CLXN: variants seen among roughly 807,000 people sequenced by gnomAD.
CLXN encodes calaxin.
the CLXN span, among the ~76,000 whole-genome samples, chr8:48,720,116 G>A: frequency 7.9e-5 from 12 of 152,168 alleles, no homozygotes; most frequent in South Asian, 1.9e-3. Context: ...GAAGATGTAC[G>A]TCACCTCAGG....
the CLXN span, among the ~76,000 whole-genome samples, chr8:48,733,900 A>G: frequency 6.6e-6 from 1 of 152,316 alleles, no homozygotes; most frequent in Non-Finnish European, 1.5e-5. Flanking sequence ...TTTATCAAAA[A>G]TGTTTACTAG....
At chr8:48,720,436 ATGTC>A in the CLXN span, among the ~76,000 whole-genome samples, 1 of 152,118 alleles carries the variant, frequency 6.6e-6, no homozygotes, top group East Asian at 1.9e-4. Context: ...CGCTCTAGGA[ATGTC>A]TGTCTTGTGC....
chr8:48,714,644 C>T, the CLXN span, among the ~76,000 whole-genome samples: 7 of 152,184 alleles, frequency 4.6e-5, no homozygotes, highest in South Asian at 2.1e-4. Flanking sequence ...CATGACGGTC[C>T]GTGATACTGG....
At chr8:48,727,229 TCCA>T in the CLXN span, among the ~76,000 whole-genome samples, 1 of 125,110 alleles carries the variant, frequency 8.0e-6, no homozygotes, top group Non-Finnish European at 1.6e-5. Context: ...CATCCATCCA[TCCA>T]TCCATCCATC....
At chr8:48,713,739 T>A in the CLXN span, 1 of 152,168 alleles carries the variant, frequency 6.6e-6, no homozygotes, top group East Asian at 1.9e-4. Flanking sequence ...ACTTAGTGAA[T>A]GTTTTGGATG....
At chr8:48,715,591 T>C in the CLXN span, 2 of 152,234 alleles carry the variant, frequency 1.3e-5, no homozygotes, top group Non-Finnish European at 2.9e-5. Flanking sequence ...CAGCAGCTTT[T>C]GTCACCATCA....
chr8:48,729,974 C>T, the CLXN span: 2 of 1,105,138 alleles, frequency 1.8e-6, no homozygotes, highest in African/African-American at 3.1e-5. Flanking sequence ...GCTGTACCCA[C>T]AGGTCTTAGT....
At chr8:48,728,907 G>T in the CLXN span, 4 of 565,888 alleles carry the variant, frequency 7.1e-6, no homozygotes, top group South Asian at 5.4e-5. Flanking sequence ...AGGTTATTCA[G>T]TGGGCTTTCT....
chr8:48,729,904 T>A, the CLXN span: 65 of 1,585,484 alleles, frequency 4.1e-5, no homozygotes, highest in Non-Finnish European at 5.2e-5. Context: ...ATGAATTTGA[T>A]GCTATCAGTA....
At chr8:48,713,137 A>G in the CLXN span, among the ~76,000 whole-genome samples, 2 of 152,222 alleles carry the variant, frequency 1.3e-5, no homozygotes, top group Admixed American at 1.3e-4. Context: ...AAACACTGCA[A>G]GACACCATCT....
the CLXN span, chr8:48,716,359 C>A: frequency 1.3e-5 from 2 of 152,394 alleles, no homozygotes; most frequent in African/African-American, 4.8e-5. Context: ...TTCCAGCCTG[C>A]GCCTCTCCAT....
the CLXN span, chr8:48,724,879 A>AGT: frequency 8.1e-7 from 1 of 1,234,290 alleles, no homozygotes; most frequent in African/African-American, 1.5e-5. Context: ...ATGTCTCCTT[A>AGT]GTGTAGAGAC....
the CLXN span, among the ~76,000 whole-genome samples, chr8:48,722,567 T>C: frequency 1.3e-5 from 2 of 152,172 alleles, no homozygotes; most frequent in Non-Finnish European, 2.9e-5. Context: ...GAAATACATA[T>C]ATGTATATGT....
chr8:48,730,999 T>C, the CLXN span, among the ~76,000 whole-genome samples: 2 of 152,182 alleles, frequency 1.3e-5, no homozygotes, highest in Admixed American at 6.5e-5. Context: ...ACTTGATGCA[T>C]AGAATTATAT....
the CLXN span, among the ~76,000 whole-genome samples, chr8:48,726,229 C>T: frequency 6.9e-6 from 1 of 145,978 alleles, no homozygotes; most frequent in African/African-American, 2.6e-5. Flanking sequence ...TCACTTCATC[C>T]ATCCATCCAT....
At chr8:48,729,684 A>G in the CLXN span, 2 of 1,563,656 alleles carry the variant, frequency 1.3e-6, no homozygotes, top group South Asian at 1.2e-5. Context: ...CTGGCCCACA[A>G]ATTTTAATAA....
chr8:48,724,068 A>G, the CLXN span: 1 of 152,180 alleles, frequency 6.6e-6, no homozygotes, highest in Non-Finnish European at 1.5e-5. Context: ...TCCAATCTAC[A>G]GTAATTATGG....
chr8:48,731,623 G>A, the CLXN span: 1 of 748,738 alleles, frequency 1.3e-6, no homozygotes, highest in Non-Finnish European at 2.0e-6. Context: ...ATTGTCAATA[G>A]AAGACTCTCC....
the CLXN span, chr8:48,731,482 C>A: frequency 6.2e-7 from 1 of 1,605,278 alleles, no homozygotes; most frequent in Non-Finnish European, 8.5e-7. Context: ...CTTTATAAGA[C>A]AGTTCACTTC....
Sources: gnomAD v4.1 joint callset for allele counts (sites outside exome capture counted in the v4.1 genomes callset) on GRCh38, gnomAD v4.1.1 for gene constraint, MANE v1.5 for transcripts, NCBI Gene and HGNC (gene_info 2026-07-23, HGNC 2026-07-21) for gene names.